PCDHGB5: variants seen among roughly 807,000 people sequenced by gnomAD.
PCDHGB5 encodes the protein protocadherin gamma subfamily B, 5.
Under a neutral mutation model 62.9 loss-of-function variants are expected in PCDHGB5, and 48 were observed. The observed-to-expected ratio is 0.76, with a 90% confidence interval of 0.61 to 0.97. PCDHGB5 has a LOEUF of 0.97. Ranked by LOEUF, PCDHGB5 falls within the 50% of genes least tolerant of loss-of-function variation. The pLI is 0.00. For synonymous variants in PCDHGB5, 474 were observed against 511.2 expected (o/e 0.93, Z 0.98); for missense variants, 1,118 against 1,198.6 (o/e 0.93, Z 0.99).
chr5:141,486,161 A>G lies in PCDHGB5; in HGVS notation c.2398-8646A>G. 1 of 1,614,216 alleles carries G rather than the reference A, an allele frequency of 6.2e-7. No individual in the cohort carries two copies. The highest frequency in any genetic ancestry group is 8.5e-7 in the Non-Finnish European group (1 of 1,180,038). ...GGCTCGCGATGGGGGTTCTCCAGCC[A>G]TGGAGCAACATTGCAGCCTTCGAGT... On this transcript the variant is annotated intron_variant, in intron 1 of 3. Coordinates refer to ENST00000617380, the MANE Select transcript of PCDHGB5 (RefSeq NM_018925.3). The surrounding 1 kb of genome is among the most constrained non-coding windows in gnomAD (Gnocchi z 5.0).
At chr5:141,404,769 A>G in intron 1 of PCDHGB5, 2 of 1,611,124 alleles carry the variant, frequency 1.2e-6, no homozygotes, top group Non-Finnish European at 1.7e-6. Flanking sequence ...TGGCTCTCCT[A>G]CCGCCTATTC....
chr5:141,436,962 C>A (rs1462988296), intron 1 of PCDHGB5, among the ~76,000 whole-genome samples: 1 of 152,144 alleles, frequency 6.6e-6, no homozygotes, highest in Non-Finnish European at 1.5e-5. Context: ...AAACAAGGAT[C>A]TTGTGAAACT....
At chr5:141,403,276 C>T (rs1331205396) in intron 1 of PCDHGB5, 3 of 1,613,844 alleles carry the variant, frequency 1.9e-6, no homozygotes, top group Non-Finnish European at 2.5e-6. Context: ...ACTTTAAAGT[C>T]CTGGTTGAAG....
At chr5:141,415,135 G>A (rs1224251849) in intron 1 of PCDHGB5, 7 of 1,613,666 alleles carry the variant, frequency 4.3e-6, no homozygotes, top group East Asian at 2.2e-5. Flanking sequence ...CCAGGACCAC[G>A]GCCAGCCCCC....
chr5:141,425,934 G>A lies in PCDHGB5; in HGVS notation c.2397+25410G>A, dbSNP rs1237431530. Among the ~76,000 whole-genome samples, 4 of 152,352 alleles carry A rather than the reference G, an allele frequency of 2.6e-5. 1 individual carries two copies. Among genetic ancestry groups the A allele is most frequent in the East Asian group, 1.9e-4 (1 of 5,188 alleles). On this transcript the variant is annotated intron_variant, in intron 1 of 3. Coordinates refer to ENST00000617380, the MANE Select transcript of PCDHGB5 (RefSeq NM_018925.3). ...CAGTCACTACGAAAACTCATAAAAT[G>A]TCTAGTTTCCTATACATTAGTCCAA...
chr5:141,487,380 G>A lies in PCDHGB5; in HGVS notation c.2398-7427G>A. On this transcript the variant is annotated intron_variant, in intron 1 of 3. Transcript: ENST00000617380. This position sits in a 1 kb window ranked among gnomAD's most constrained non-coding sequence, Gnocchi z 5.0. ...GCTGGCACCTGTGCCTGTCTCACCA[G>A]ATCTCGAAGGAGGGAGGGGCTTCCC... is the stretch of plus-strand genomic sequence containing the variant. The A allele has an allele frequency of 1.2e-6, 2 of 1,614,202 alleles. No individual in the cohort carries two copies. The highest frequency in any genetic ancestry group is 2.2e-5 in the South Asian group (2 of 91,078).
intron 1 of PCDHGB5, among the ~76,000 whole-genome samples, chr5:141,401,612 C>A (rs1190962219): frequency 6.6e-6 from 1 of 152,146 alleles, no homozygotes; most frequent in Non-Finnish European, 1.5e-5. Context: ...AAAAAGACAC[C>A]GGATTTGTCT....
rs557973676 is a variant in PCDHGB5, at chr5:141,429,315, T to C, written c.2397+28791T>C. 9.2e-5 allele frequency among the ~76,000 whole-genome samples: 14 copies of C among 152,298 alleles called. No individual in the cohort carries two copies. In the South Asian group the frequency reaches 2.9e-3, roughly 32 times the overall value. ...ACATCAATATTTGAGTATATAAGGC[T>C]TTTTCTTTAATCCATTAACTATAAA... On this transcript the variant is annotated intron_variant, in intron 1 of 3. Transcript: ENST00000617380.
intron 1 of PCDHGB5, chr5:141,413,949 T>C (rs1291474416): frequency 6.2e-7 from 1 of 1,613,218 alleles, no homozygotes; most frequent in African/African-American, 1.3e-5. Context: ...TTCCTGAGAA[T>C]TTGCCTGTGG....
chr5:141,442,700 T>TC (rs1388243183), intron 1 of PCDHGB5, among the ~76,000 whole-genome samples: 5 of 152,198 alleles, frequency 3.3e-5, no homozygotes, highest in Non-Finnish European at 7.3e-5. Flanking sequence ...CAGACAAGAG[T>TC]ATCAGACATG....
chr5:141,481,856 G>A (rs1402368786), intron 1 of PCDHGB5, among the ~76,000 whole-genome samples: 1 of 149,156 alleles, frequency 6.7e-6, no homozygotes, highest in Admixed American at 6.8e-5. Flanking sequence ...GGAGGTTGCA[G>A]TGAGCCGAGA....
intron 1 of PCDHGB5, chr5:141,415,029 G>T (rs777967290): frequency 8.1e-6 from 13 of 1,613,554 alleles, no homozygotes; most frequent in Non-Finnish European, 1.0e-5. Context: ...CCAGCGAGCC[G>T]GGACTCTTCG....
chr5:141,434,517 G>A (rs1476955199), intron 1 of PCDHGB5, among the ~76,000 whole-genome samples: 1 of 152,212 alleles, frequency 6.6e-6, no homozygotes, highest in East Asian at 1.9e-4. Context: ...GCTTAAAGGT[G>A]TTCTTAAACC....
intron 1 of PCDHGB5, chr5:141,418,389 AT>A (rs1429903562): frequency 5.6e-6 from 9 of 1,613,878 alleles, no homozygotes; most frequent in Non-Finnish European, 6.8e-6. Flanking sequence ...CCTAACGAGT[AT>A]TTCTCATTGG....
chr5:141,409,351 G>T, intron 1 of PCDHGB5: 1 of 1,613,982 alleles, frequency 6.2e-7, no homozygotes, highest in South Asian at 1.1e-5. Flanking sequence ...GAGAAGTCAG[G>T]TGTAATATAG....
chr5:141,432,088 AGACACCAAC>A lies in PCDHGB5; in HGVS notation c.2397+31569_2397+31577del, dbSNP rs1561857611. 6.2e-7 allele frequency: 1 copy of A among 1,614,148 alleles called. No individual in the cohort carries two copies. Among genetic ancestry groups the A allele is most frequent in the Admixed American group, 1.7e-5 (1 of 60,024 alleles). ...AAACTCATATCTCGCTGAACGTGGC[AGACACCAAC>A]GACAACCCGCCGGTCTTCCCTCAGG... is the stretch of plus-strand genomic sequence containing the variant. On this transcript the variant is annotated intron_variant, in intron 1 of 3. Transcript: ENST00000617380. This position sits in a 1 kb window ranked among gnomAD's most constrained non-coding sequence, Gnocchi z 6.0.
At chr5:141,412,922 A>G in intron 1 of PCDHGB5, 1 of 420,478 alleles carries the variant, frequency 2.4e-6, no homozygotes, top group Non-Finnish European at 4.2e-6. Flanking sequence ...ACTTGGGTGC[A>G]GTAACTTCTT....
rs11343387 is a variant in PCDHGB5 at position 141,497,209 on chromosome 5, TGG to T, written c.2456+2352_2456+2353del. On this transcript the variant is annotated intron_variant, in intron 2 of 3. Transcript: ENST00000617380. ...GAGGCAGAGAACAATGTGAGTGTAATGGGGGGGGGAAGATCAGAGAAGGCTTC... is the reference window on the plus strand; with the variant it reads ...GAGGCAGAGAACAATGTGAGTGTAATGGGGGGGAAGATCAGAGAAGGCTTC... Among the ~76,000 whole-genome samples the T allele has an allele frequency of 3.8e-3, 569 of 151,352 alleles. 5 individuals are homozygous for T. Among genetic ancestry groups the T allele is most frequent in the Admixed American group, 0.011 (162 of 15,190 alleles).
At chr5:141,447,976 C>T (rs774074042) in intron 1 of PCDHGB5, among the ~76,000 whole-genome samples, 18 of 151,938 alleles carry the variant, frequency 1.2e-4, no homozygotes, top group Non-Finnish European at 2.5e-4. Flanking sequence ...ATCCCAGCTA[C>T]TCGGGAGGCT....
Sources: allele counts gnomAD v4.1 joint callset (sites outside exome capture counted in the v4.1 genomes callset), GRCh38; gene constraint gnomAD v4.1.1; non-coding constraint Gnocchi (gnomAD v3.1); transcripts MANE v1.5; gene names NCBI Gene and HGNC (gene_info 2026-07-23, HGNC 2026-07-21).